The following RNLS variants were observed in gnomAD, a reference collection of about 807,000 sequenced individuals.
The protein encoded by RNLS is renalase.
A neutral mutation model predicts 39.8 loss-of-function variants in RNLS; 39 were observed. The observed-to-expected ratio is 0.98, with a 90% CI of 0.76 to 1.28. The LOEUF is 1.28. Among genes scored for constraint, RNLS ranks in the 50% most tolerant of loss-of-function variants. The probability of loss-of-function intolerance (pLI) is 0.00; values close to 1 mark genes in which losing one functional copy is unlikely to be tolerated. For synonymous variants in RNLS, 147 were observed against 150.7 expected (o/e 0.98, Z 0.18); for missense variants, 410 against 413.3 (o/e 0.99, Z 0.07).
chr10:88,460,499 C>T lies in RNLS; in HGVS notation c.527-97774G>A, dbSNP rs140187700. Among the ~76,000 whole-genome samples, 225 of 152,218 alleles carry T rather than the reference C, an allele frequency of 1.5e-3. 1 individual carries two copies. The highest frequency in any genetic ancestry group is 2.8e-3 in the Non-Finnish European group (189 of 67,998). Reference sequence around the variant, plus strand: ...TCATTATCACATCACAACTCACTATCACATTTCCCGTTTATCACCTTAATA... The same window carrying T: ...TCATTATCACATCACAACTCACTATTACATTTCCCGTTTATCACCTTAATA... On this transcript the variant is annotated intron_variant, in intron 4 of 6. Coordinates refer to ENST00000331772, the MANE Select transcript of RNLS (RefSeq NM_001031709.3).
chr10:88,466,986 G>A (rs1003942870), intron 4 of RNLS, among the ~76,000 whole-genome samples: 1 of 152,102 alleles, frequency 6.6e-6, no homozygotes, highest in Non-Finnish European at 1.5e-5. Context: ...TTTTACAGCT[G>A]AGTAACAAAC....
Position 88,582,230 on chromosome 10 carries a change from T to A in RNLS, c.196A>T (p.Thr66Ser). Residue 66 changes from threonine (T) to serine (S), a missense_variant, in exon 2 of 7, where the codon ACT (threonine) becomes TCT (serine). By Grantham distance (58) the Thr-to-Ser change is moderately conservative. Coordinates refer to ENST00000331772, the MANE Select transcript of RNLS (RefSeq NM_001031709.3). The part of the protein sequence containing the change: ...ADLGAQYITC[T>S]PHYAKKHQRF... Reference sequence around the variant, plus strand: ...TGGTGTTTTTTGGCATAATGAGGAGTGCAGGTGATGTACTGAGCACCCAAG... The same window carrying A: ...TGGTGTTTTTTGGCATAATGAGGAGAGCAGGTGATGTACTGAGCACCCAAG... 6.2e-7 allele frequency: 1 copy of A among 1,613,796 alleles called. No individual in the cohort carries two copies. Among genetic ancestry groups the A allele is most frequent in the Non-Finnish European group, 8.5e-7 (1 of 1,179,904 alleles).
chr10:88,526,370 G>A (rs1479991817), intron 4 of RNLS, among the ~76,000 whole-genome samples: 1 of 151,658 alleles, frequency 6.6e-6, no homozygotes, highest in African/African-American at 2.4e-5. Context: ...GTTTATTTAC[G>A]CTTCCTTATT....
chr10:88,310,251 G>C (rs1042742127), intron 6 of RNLS, among the ~76,000 whole-genome samples: 3 of 152,014 alleles, frequency 2.0e-5, no homozygotes, highest in African/African-American at 7.2e-5. Context: ...TTGATTGCTG[G>C]ATTATATCTT....
intron 4 of RNLS, among the ~76,000 whole-genome samples, chr10:88,465,160 A>G (rs900474458): frequency 6.6e-6 from 1 of 152,084 alleles, no homozygotes. Flanking sequence ...TATTATTGCT[A>G]CTAGTAGGCA....
the RNLS span, among the ~76,000 whole-genome samples, chr10:88,181,463 G>T: frequency 6.6e-6 from 1 of 152,260 alleles, no homozygotes; most frequent in South Asian, 2.1e-4. Context: ...CATTTGTGCT[G>T]TTTTCGGCAA....
At chr10:88,537,141 G>A (rs1177044830) in intron 4 of RNLS, among the ~76,000 whole-genome samples, 1 of 152,116 alleles carries the variant, frequency 6.6e-6, no homozygotes, top group Admixed American at 6.6e-5. Flanking sequence ...TATTTTATGA[G>A]TTTCTAAATG....
intron 6 of RNLS, among the ~76,000 whole-genome samples, chr10:88,299,412 C>T (rs1460066556): frequency 2.0e-5 from 3 of 152,146 alleles, no homozygotes; most frequent in Admixed American, 6.6e-5. Flanking sequence ...CACTTGAGGT[C>T]AGGAGTTTAA....
intron 6 of RNLS, among the ~76,000 whole-genome samples, chr10:88,297,648 A>G (rs1449785226): frequency 6.6e-6 from 1 of 152,172 alleles, no homozygotes; most frequent in Non-Finnish European, 1.5e-5. Context: ...AGGTTCATTC[A>G]TGTTATAGCA....
chr10:88,362,441 G>A (rs1242258633), intron 5 of RNLS, 111 bp downstream of exon 5: 4 of 933,850 alleles, frequency 4.3e-6, no homozygotes, highest in Non-Finnish European at 6.2e-6. Context: ...CCTGTGGCTT[G>A]GAGTTAAATG....
At chr10:88,399,998 A>G (rs994802346) in intron 4 of RNLS, among the ~76,000 whole-genome samples, 2 of 151,680 alleles carry the variant, frequency 1.3e-5, no homozygotes, top group Non-Finnish European at 2.9e-5. Flanking sequence ...TTTCACTCGA[A>G]TCTCTTACTC....
chr10:88,554,560 C>T (rs892929844), intron 4 of RNLS, among the ~76,000 whole-genome samples: 3 of 151,902 alleles, frequency 2.0e-5, no homozygotes, highest in African/African-American at 7.3e-5. Context: ...CGTCTTCAGC[C>T]CCTCTTCAAT....
At chr10:88,182,545 A>G in the RNLS span, among the ~76,000 whole-genome samples, 1 of 152,140 alleles carries the variant, frequency 6.6e-6, no homozygotes, top group Admixed American at 6.6e-5. Context: ...ACTTTACAAA[A>G]ATACCCATTC....
the RNLS span, among the ~76,000 whole-genome samples, chr10:88,255,134 T>C: frequency 6.6e-6 from 1 of 152,210 alleles, no homozygotes; most frequent in African/African-American, 2.4e-5. Context: ...TTGAGTCAGT[T>C]CTCTGCATAC....
In RNLS at chr10:88,284,217, T is replaced by C; in HGVS notation, c.*1137A>G. 1 of 985,340 alleles carries C rather than the reference T, an allele frequency of 1.0e-6. No individual in the cohort carries two copies. Among genetic ancestry groups the C allele is most frequent in the Non-Finnish European group, 1.2e-6 (1 of 829,862 alleles). The allele number at this position is 985,340 out of a possible 1,614,324, so 61.0% of individuals were successfully genotyped here. On this transcript the variant is annotated 3_prime_UTR_variant, in exon 7 of 7. Transcript: ENST00000331772. ...AGCAAGTTCTGCCTGTGCCTGTGTA[T>C]GTGTATGTATGACAGTGGACATGTA...
intron 4 of RNLS, among the ~76,000 whole-genome samples, chr10:88,489,076 T>C (rs943789879): frequency 2.6e-5 from 4 of 152,170 alleles, no homozygotes; most frequent in African/African-American, 4.8e-5. Flanking sequence ...AATTCCATTA[T>C]GGTTCTGAAG....
chr10:88,241,543 T>C, the RNLS span, among the ~76,000 whole-genome samples: 1 of 152,206 alleles, frequency 6.6e-6, no homozygotes, highest in Non-Finnish European at 1.5e-5. Flanking sequence ...AAAAAATCAG[T>C]CATGCCAGGA....
At chr10:88,198,812 G>T in the RNLS span, among the ~76,000 whole-genome samples, 3 of 152,104 alleles carry the variant, frequency 2.0e-5, no homozygotes, top group Non-Finnish European at 2.9e-5. Context: ...AAACCTCTTT[G>T]CTTCATAAAT....
At chr10:88,559,662 C>CCCATTCATTCATTCATTCAT (rs1849062669) in intron 4 of RNLS, among the ~76,000 whole-genome samples, 1 of 151,070 alleles carries the variant, frequency 6.6e-6, no homozygotes, top group African/African-American at 2.4e-5. Flanking sequence ...GATTGTTTCA[C>CCCATTCATTCATTCATTCAT]TCATTCATTC....
Sources: allele counts gnomAD v4.1 joint callset (sites outside exome capture counted in the v4.1 genomes callset), GRCh38; gene constraint gnomAD v4.1.1; transcripts MANE v1.5; gene names NCBI Gene and HGNC (gene_info 2026-07-23, HGNC 2026-07-21).